The following SLC38A6 variants were observed in gnomAD, a reference collection of about 807,000 sequenced individuals.
SLC38A6 encodes N system amino acid transporter NAT-1.
In SLC38A6, 73 loss-of-function variants were observed where a neutral mutation model predicts 65.0. That is an observed-to-expected ratio of 1.12 (90% confidence interval 0.93 to 1.37). The LOEUF is 1.37. SLC38A6 is among the 40% of genes most tolerant of loss of function. SLC38A6 has a pLI of 0.00. For missense variants in SLC38A6, 561 were observed against 531.1 expected (o/e 1.06, Z -0.55); for synonymous variants, 183 against 178.8 (o/e 1.02, Z -0.19).
intron 3 of SLC38A6, among the ~76,000 whole-genome samples, chr14:61,011,140 C>T (rs1397017363): frequency 6.6e-6 from 1 of 152,148 alleles, no homozygotes; most frequent in Non-Finnish European, 1.5e-5. Context: ...CTCTTTGAAG[C>T]AATGGTCAAT....
intron 4 of SLC38A6, among the ~76,000 whole-genome samples, chr14:61,018,792 A>AT (rs2040174495): frequency 6.6e-6 from 1 of 152,128 alleles, no homozygotes; most frequent in Admixed American, 6.5e-5. Context: ...TTTTTAACTG[A>AT]TTACCAACTA....
intron 16 of SLC38A6, among the ~76,000 whole-genome samples, chr14:61,081,753 A>G (rs1348176353): frequency 1.3e-5 from 2 of 152,138 alleles, no homozygotes; most frequent in African/African-American, 4.8e-5. Flanking sequence ...CGACTAGCTC[A>G]TTTTACCCTC....
At chr14:61,032,510 T>G (rs2041066333) in intron 6 of SLC38A6, among the ~76,000 whole-genome samples, 1 of 151,916 alleles carries the variant, frequency 6.6e-6, no homozygotes, top group South Asian at 2.1e-4. Flanking sequence ...GAAAATTGAT[T>G]AAAATGTTAT....
intron 7 of SLC38A6, 50 bp downstream of exon 7, chr14:61,037,191 G>A: frequency 1.5e-6 from 2 of 1,369,482 alleles, no homozygotes; most frequent in South Asian, 2.8e-5. Flanking sequence ...AAAGAAGGGA[G>A]GGAGGGAAAG....
chr14:61,020,202 C>A (rs1268141509), intron 5 of SLC38A6, among the ~76,000 whole-genome samples: 1 of 151,922 alleles, frequency 6.6e-6, no homozygotes, highest in African/African-American at 2.4e-5. Context: ...ACATTTAAAT[C>A]CAAAATATGG....
At chr14:60,999,965 C>T (rs1274682998) in intron 3 of SLC38A6, among the ~76,000 whole-genome samples, 1 of 152,150 alleles carries the variant, frequency 6.6e-6, no homozygotes, top group Non-Finnish European at 1.5e-5. Context: ...TAATTTCTTA[C>T]AGCAGCCTTA....
chr14:61,014,759 G>T (rs1256865847), intron 3 of SLC38A6, among the ~76,000 whole-genome samples: 1 of 152,180 alleles, frequency 6.6e-6, no homozygotes, highest in East Asian at 1.9e-4. Context: ...TGTCTCAGAG[G>T]AGTACCCGGC....
In SLC38A6 at chr14:61,035,977, C is replaced by T. The variant is rs565037170; in HGVS notation, c.483-1082C>T. 3.9e-5 allele frequency among the ~76,000 whole-genome samples: 6 copies of T among 151,948 alleles called. No individual in the cohort carries two copies. The South Asian group carries it at 6.3e-4, about 16-fold the overall frequency. ...ACAAATACAAAATCACGTTAACCTA[C>T]CTTTTTCTCATTCTGTATTCTAATG... is the stretch of plus-strand genomic sequence containing the variant. On this transcript the variant is annotated intron_variant, in intron 6 of 15. Coordinates refer to ENST00000267488, the MANE Select transcript of SLC38A6 (RefSeq NM_153811.3).
chr14:61,019,406 G>C, intron 4 of SLC38A6, 135 bp from the exon 5 acceptor site: 1 of 665,858 alleles, frequency 1.5e-6, no homozygotes, highest in Non-Finnish European at 2.5e-6. Context: ...TCAAATGACT[G>C]GCAGATTTCT....
chr14:61,062,109 G>GCTCC (rs2042866832), intron 15 of SLC38A6, among the ~76,000 whole-genome samples: 1 of 152,180 alleles, frequency 6.6e-6, no homozygotes, highest in Non-Finnish European at 1.5e-5. Flanking sequence ...AAAGTGCTGG[G>GCTCC]CATGAGCCAC....
chr14:61,040,425 C>T (rs2041724533), intron 8 of SLC38A6, among the ~76,000 whole-genome samples: 1 of 151,332 alleles, frequency 6.6e-6, no homozygotes, highest in South Asian at 2.1e-4. Flanking sequence ...CTGCAAGCTC[C>T]GCCTCCCAGG....
intron 3 of SLC38A6, among the ~76,000 whole-genome samples, chr14:61,010,216 T>C (rs1413718349): frequency 6.6e-6 from 1 of 152,082 alleles, no homozygotes; most frequent in African/African-American, 2.4e-5. Context: ...TTCGCCCACT[T>C]GTTGATGCGG....
At chr14:61,026,935 C>T (rs902170605) in intron 5 of SLC38A6, among the ~76,000 whole-genome samples, 3 of 152,002 alleles carry the variant, frequency 2.0e-5, no homozygotes, top group African/African-American at 7.2e-5. Flanking sequence ...GAGTCCCTTC[C>T]CTGTTTCTGT....
chr14:61,016,895 C>G (rs1422929874), intron 4 of SLC38A6, among the ~76,000 whole-genome samples: 1 of 152,060 alleles, frequency 6.6e-6, no homozygotes, highest in Non-Finnish European at 1.5e-5. Context: ...CACATACTTA[C>G]CATTTTTTGT....
chr14:61,043,900 C>G (rs2041970863), intron 10 of SLC38A6, among the ~76,000 whole-genome samples: 1 of 152,132 alleles, frequency 6.6e-6, no homozygotes, highest in African/African-American at 2.4e-5. Context: ...GAACCTTGGT[C>G]TGTAGCTAAA....
At chr14:61,010,423 T>A (rs979719058) in intron 3 of SLC38A6, among the ~76,000 whole-genome samples, 9 of 152,256 alleles carry the variant, frequency 5.9e-5, no homozygotes, top group Non-Finnish European at 1.2e-4. Context: ...CTGCCATTGC[T>A]TTTGGTGTTT....
intron 1 of SLC38A6, 126 bp downstream of exon 1, chr14:60,981,508 G>A (rs1325384180): frequency 1.3e-6 from 2 of 1,534,782 alleles, no homozygotes; most frequent in African/African-American, 2.7e-5. Flanking sequence ...GAACCCTGGG[G>A]GATGGGGTCT....
chr14:61,080,369 C>T (rs1238477047), intron 16 of SLC38A6, among the ~76,000 whole-genome samples: 1 of 152,144 alleles, frequency 6.6e-6, no homozygotes, highest in African/African-American at 2.4e-5. Context: ...GACAAAGGCA[C>T]ACTTTTTTCT....
At chr14:61,051,685 G>A in intron 13 of SLC38A6, 102 bp from the exon 14 acceptor site, 1 of 1,308,254 alleles carries the variant, frequency 7.6e-7, no homozygotes, top group Non-Finnish European at 1.1e-6. Flanking sequence ...TCTAAATGAT[G>A]TAGGAGGCAA....
Sources: allele counts gnomAD v4.1 joint callset (sites outside exome capture counted in the v4.1 genomes callset), GRCh38; gene constraint gnomAD v4.1.1; transcripts MANE v1.5; gene names NCBI Gene and HGNC (gene_info 2026-07-23, HGNC 2026-07-21).